The following CTNNA3 variants were observed in gnomAD, a reference collection of about 807,000 sequenced individuals.
CTNNA3 encodes the protein catenin alpha-3.
Under a neutral mutation model 95.7 loss-of-function variants are expected in CTNNA3, and 76 were observed. The ratio of observed to expected loss-of-function variants is 0.79; its 90% CI spans 0.66 to 0.96. The LOEUF is 0.96. Among genes scored for constraint, CTNNA3 ranks in the 40% least tolerant of loss-of-function variants. CTNNA3 has a pLI of 0.00. For missense variants in CTNNA3, 1,191 were observed against 1,089.8 expected (o/e 1.09, Z -1.31); for synonymous variants, 431 against 374.4 (o/e 1.15, Z -1.74).
Position 66,670,388 on chromosome 10 carries a change from C to T in CTNNA3, c.1282-48604G>A, listed in dbSNP as rs145266114. ...GTCAGTGGCTGAATTCAATTCCATG[C>T]TACCATAGAACTGACATCTCAATTT... On this transcript the variant is annotated intron_variant, in intron 9 of 17. Coordinates refer to ENST00000433211, the MANE Select transcript of CTNNA3 (RefSeq NM_013266.4). Among the ~76,000 whole-genome samples, 708 of 152,290 alleles carry T rather than the reference C, an allele frequency of 4.6e-3. 5 individuals are homozygous for T. The highest frequency in any genetic ancestry group is 0.016 in the African/African-American group (668 of 41,550).
At chr10:67,171,876 T>C (rs915096406) in intron 7 of CTNNA3, among the ~76,000 whole-genome samples, 2 of 152,046 alleles carry the variant, frequency 1.3e-5, no homozygotes, top group Non-Finnish European at 1.5e-5. Context: ...TGAAGAAAAA[T>C]AGGCAAAAAT....
intron 13 of CTNNA3, among the ~76,000 whole-genome samples, chr10:66,171,157 G>T (rs1338680216): frequency 6.6e-6 from 1 of 151,328 alleles, no homozygotes; most frequent in Non-Finnish European, 1.5e-5. Flanking sequence ...ATCTCACAAT[G>T]ACCTGAAAGA....
At chr10:67,111,291 C>T (rs983099476) in intron 7 of CTNNA3, among the ~76,000 whole-genome samples, 2 of 152,134 alleles carry the variant, frequency 1.3e-5, no homozygotes, top group Admixed American at 6.5e-5. Flanking sequence ...CACCAAATAA[C>T]ATAAATAAGA....
chr10:67,477,137 C>A (rs1049361334), intron 5 of CTNNA3, among the ~76,000 whole-genome samples: 1 of 152,124 alleles, frequency 6.6e-6, no homozygotes, highest in South Asian at 2.1e-4. Flanking sequence ...CTCAAGGAAT[C>A]TAGAACACTC....
chr10:67,750,208 A>C (rs1000554945), intron 1 of CTNNA3: 1 of 1,402,908 alleles, frequency 7.1e-7, no homozygotes, highest in Non-Finnish European at 1.0e-6. Context: ...CCAAGAACCC[A>C]CTGGAAGGAA....
At chr10:66,085,688 T>G (rs183654243) in intron 14 of CTNNA3, among the ~76,000 whole-genome samples, 1 of 152,294 alleles carries the variant, frequency 6.6e-6, no homozygotes, top group African/African-American at 2.4e-5. Flanking sequence ...CAGATCATTT[T>G]TTATATTTAT....
chr10:67,649,282 C>T (rs1470229379), intron 1 of CTNNA3, among the ~76,000 whole-genome samples: 2 of 152,168 alleles, frequency 1.3e-5, no homozygotes, highest in Non-Finnish European at 2.9e-5. Flanking sequence ...CCGTGAAATT[C>T]ACGACTGGTT....
At chr10:67,232,842 A>T (rs1199343991) in intron 5 of CTNNA3, among the ~76,000 whole-genome samples, 1 of 151,750 alleles carries the variant, frequency 6.6e-6, no homozygotes, top group African/African-American at 2.4e-5. Flanking sequence ...GAAAACAAAA[A>T]AAGGCAGGGG....
intron 11 of CTNNA3, among the ~76,000 whole-genome samples, chr10:66,501,617 C>T (rs55856935): frequency 4.0e-4 from 61 of 152,182 alleles, no homozygotes; most frequent in African/African-American, 1.4e-3. Flanking sequence ...CATTCATTCC[C>T]CCCATACTAT....
chr10:67,342,491 G>GT (rs1310693600), intron 5 of CTNNA3, among the ~76,000 whole-genome samples: 2 of 152,100 alleles, frequency 1.3e-5, no homozygotes, highest in African/African-American at 4.8e-5. Flanking sequence ...TGCTTGTGGG[G>GT]TGTTACTCAA....
intron 7 of CTNNA3, among the ~76,000 whole-genome samples, chr10:67,127,468 T>C (rs553877161): frequency 6.6e-6 from 1 of 152,312 alleles, no homozygotes; most frequent in African/African-American, 2.4e-5. Context: ...AAGTCTTCTT[T>C]CCTTCTCTAG....
At chr10:66,028,762 T>C (rs894742890) in intron 15 of CTNNA3, among the ~76,000 whole-genome samples, 7 of 151,584 alleles carry the variant, frequency 4.6e-5, no homozygotes, top group South Asian at 4.2e-4. Context: ...AAAGGGAAAA[T>C]GACTATTGGG....
At chr10:65,966,521 C>T (rs1564545859) in intron 17 of CTNNA3, 91 bp downstream of exon 17, 1 of 1,104,352 alleles carries the variant, frequency 9.1e-7, no homozygotes, top group East Asian at 2.7e-5. Context: ...ACTAATTTTA[C>T]CTAAAAGATT....
At chr10:67,377,814 T>C (rs1448436512) in intron 5 of CTNNA3, among the ~76,000 whole-genome samples, 1 of 152,210 alleles carries the variant, frequency 6.6e-6, no homozygotes, top group Non-Finnish European at 1.5e-5. Flanking sequence ...TGAAACTACA[T>C]AATATATTAT....
chr10:67,701,721 T>C lies in CTNNA3; in HGVS notation c.-1-54207A>G, dbSNP rs1416983657. On this transcript the variant is annotated intron_variant, in intron 1 of 17. Coordinates refer to the CTNNA3 transcript ENST00000684154. ...GCTAGGAAGAAACTGCATCAACTAATGAGCAAAATAACCAGCTAACATCAT... is the reference window on the plus strand; with the variant it reads ...GCTAGGAAGAAACTGCATCAACTAACGAGCAAAATAACCAGCTAACATCAT... Among the ~76,000 whole-genome samples the C allele has an allele frequency of 2.6e-5, 4 of 152,246 alleles. No homozygotes were observed. The East Asian group carries it at 5.8e-4, about 22-fold the overall frequency.
intron 7 of CTNNA3, among the ~76,000 whole-genome samples, chr10:67,004,312 A>C (rs1163854951): frequency 6.6e-6 from 1 of 152,218 alleles, no homozygotes; most frequent in Non-Finnish European, 1.5e-5. Flanking sequence ...AAACATGGAC[A>C]AAAGCCACAA....
At chr10:66,063,194 G>GTATATATA (rs150710369) in intron 15 of CTNNA3, among the ~76,000 whole-genome samples, 122 of 119,864 alleles carry the variant, frequency 1.0e-3, no homozygotes, top group African/African-American at 3.9e-3. Flanking sequence ...CTGGATACAT[G>GTATATATA]TATATATATA....
At chr10:66,963,317 A>C (rs531782262) in intron 7 of CTNNA3, among the ~76,000 whole-genome samples, 4 of 152,302 alleles carry the variant, frequency 2.6e-5, no homozygotes, top group African/African-American at 9.6e-5. Flanking sequence ...GCTGTGTAGC[A>C]CTGGGAAATT....
intron 12 of CTNNA3, among the ~76,000 whole-genome samples, chr10:66,330,138 T>A (rs57733967): frequency 8.9e-4 from 136 of 152,148 alleles, no homozygotes; most frequent in African/African-American, 2.9e-3. Context: ...TACATATGTA[T>A]ACTTGTGCCA....
Sources: allele counts gnomAD v4.1 joint callset (sites outside exome capture counted in the v4.1 genomes callset), GRCh38; gene constraint gnomAD v4.1.1; transcripts MANE v1.5; gene names NCBI Gene and HGNC (gene_info 2026-07-23, HGNC 2026-07-21).